The following PPP2R3B variants were observed in gnomAD, a reference collection of about 807,000 sequenced individuals.
PPP2R3B encodes protein phosphatase 2 regulatory subunit B''beta, also known as serine/threonine-protein phosphatase 2A regulatory subunit B'' subunit beta.
A neutral mutation model predicts 72.9 loss-of-function variants in PPP2R3B; 68 were observed. That is an observed-to-expected ratio of 0.93 (90% CI 0.77 to 1.14). The LOEUF is 1.14. Ranked by LOEUF, PPP2R3B falls within the 50% of genes most tolerant of loss-of-function variation. PPP2R3B has a pLI of 0.00. For missense variants in PPP2R3B, 1,018 were observed against 842.0 expected (o/e 1.21, Z -2.59); for synonymous variants, 466 against 375.8 (o/e 1.24, Z -2.78).
At chrX:365,081 C>CGG (rs2071676484) in intron 1 of PPP2R3B, among the ~76,000 whole-genome samples, 1 of 71,734 alleles carries the variant, frequency 1.4e-5, no homozygotes, top group African/African-American at 5.7e-5. Context: ...GGTGTGGTGG[C>CGG]GCATGCCTGT....
intron 7 of PPP2R3B, chrX:345,232 T>C: frequency 1.5e-6 from 1 of 657,896 alleles, no homozygotes; most frequent in East Asian, 3.0e-5. Flanking sequence ...CCCACAGCGC[T>C]GCTGGCCCTC....
chrX:358,122 G>A (rs2071471895), intron 2 of PPP2R3B, among the ~76,000 whole-genome samples: 1 of 152,236 alleles, frequency 6.6e-6, no homozygotes, highest in Non-Finnish European at 1.5e-5. Flanking sequence ...CGAAACGGCA[G>A]TGACACCCCT....
At chrX:364,765 C>T (rs1258623226) in intron 1 of PPP2R3B, among the ~76,000 whole-genome samples, 2 of 79,998 alleles carry the variant, frequency 2.5e-5, no homozygotes. Flanking sequence ...TGCCTGTACT[C>T]CCAGCTACTC....
intron 2 of PPP2R3B, among the ~76,000 whole-genome samples, chrX:359,558 G>T (rs1486786173): frequency 6.6e-6 from 1 of 152,194 alleles, no homozygotes. Context: ...CAACAAAAAT[G>T]ATTATAGAAT....
intron 1 of PPP2R3B, among the ~76,000 whole-genome samples, chrX:379,761 A>C (rs1445077167): frequency 6.6e-6 from 1 of 152,268 alleles, no homozygotes; most frequent in Non-Finnish European, 1.5e-5. Flanking sequence ...GGTATCAATT[A>C]TCCTAAATTG....
intron 1 of PPP2R3B, among the ~76,000 whole-genome samples, chrX:372,467 C>A (rs1314156714): frequency 6.6e-6 from 1 of 152,218 alleles, no homozygotes; most frequent in African/African-American, 2.4e-5. Flanking sequence ...GAGGCGCCCG[C>A]CACGCACACC....
chrX:386,523 C>G lies in PPP2R3B; in HGVS notation c.169G>C (p.Ala57Pro). The G allele has an allele frequency of 7.1e-7, 1 of 1,413,160 alleles. No homozygotes were observed. Among genetic ancestry groups the G allele is most frequent in the Middle Eastern group, 2.6e-4 (1 of 3,888 alleles). The allele number at this position is 1,413,160 out of a possible 1,614,324, so 87.5% of individuals were successfully genotyped here. A position where few individuals can be genotyped will look rare whatever the true frequency, so the allele number is the denominator to read the frequency against. ...PTPGDGEQPG[A>P]WPTAPLAAPR... Reference sequence around the variant, plus strand: ...GCGGCGAGCGGGGCTGTGGGCCAGGCCCCGGGCTGCTCCCCGTCCCCCGGG... The same window carrying G: ...GCGGCGAGCGGGGCTGTGGGCCAGGGCCCGGGCTGCTCCCCGTCCCCCGGG... The change falls in exon 1 of 13, where the codon GCC becomes CCC. Residue 57 changes from alanine (A) to proline (P), a missense_variant. Ala to Pro is a conservative substitution (Grantham distance 27). Coordinates refer to ENST00000390665, the MANE Select transcript of PPP2R3B (RefSeq NM_013239.5).
rs768116625 is a variant in PPP2R3B at position 346,659 on chromosome X, CG to C, written c.792+41del. ...GCGGCGGCCGCTGCAGAAACACCCG[CG>C]CCCCGCGCTGGAACCGACGGCCCCT... On this transcript the variant is annotated intron_variant, in intron 5 of 12. Transcript: ENST00000390665. 1.2e-4 allele frequency: 189 copies of C among 1,565,874 alleles called. 4 individuals carry two copies. In the South Asian group the frequency reaches 2.1e-3, roughly 17 times the overall value.
Position 361,563 on chromosome X carries a change from G to A in PPP2R3B, c.352C>T (p.Pro118Ser), listed in dbSNP as rs776968670. ...VVQTRKEEPL[P>S]PATSQSIPTF... ...GGAATGCTTTGGCTCGTGGCCGGGG[G>A]CAGAGGCTCTTCTTTCCGTGTCTGA... Residue 118 changes from proline to serine, a missense_variant, in exon 2 of 13, where the codon CCC (proline) becomes TCC (serine). Transcript: ENST00000390665. 5 of 1,613,990 alleles carry A rather than the reference G, an allele frequency of 3.1e-6. No individual in the cohort carries two copies. In the East Asian group the frequency reaches 6.7e-5, roughly 22 times the overall value.
chrX:374,604 G>A (rs2071949480), intron 1 of PPP2R3B, among the ~76,000 whole-genome samples: 1 of 152,174 alleles, frequency 6.6e-6, no homozygotes, highest in South Asian at 2.1e-4. Flanking sequence ...CCGGGAAGGA[G>A]ACAGGATACC....
Position 334,310 on chromosome X carries a change from G to A in PPP2R3B, c.*57C>T. On this transcript the variant is annotated 3_prime_UTR_variant, in exon 13 of 13. Transcript: ENST00000390665. ...CACAACAGTTTTTACACGAGCCGCGGTGGCCCGGTGGTGGCACGTGGGGAG... is the reference window on the plus strand; with the variant it reads ...CACAACAGTTTTTACACGAGCCGCGATGGCCCGGTGGTGGCACGTGGGGAG... The A allele has an allele frequency of 1.4e-6, 2 of 1,424,438 alleles. No individual in the cohort carries two copies. The highest frequency in any genetic ancestry group is 1.8e-6 in the Non-Finnish European group (2 of 1,092,894). The allele number at this position is 1,424,438 out of a possible 1,614,324, so 88.2% of individuals were successfully genotyped here. A position where few individuals can be genotyped will look rare whatever the true frequency, so the allele number is the denominator to read the frequency against.
chrX:340,360 C>T (rs915822912), intron 10 of PPP2R3B, among the ~76,000 whole-genome samples: 1 of 151,602 alleles, frequency 6.6e-6, no homozygotes, highest in Non-Finnish European at 1.5e-5. Context: ...GAGGTTCTTG[C>T]ACTGTGAGAC....
chrX:383,837 CAAAAAAAAAAAAAAAAA>C (rs757960788), intron 1 of PPP2R3B, among the ~76,000 whole-genome samples: 3,126 of 45,740 alleles, frequency 0.068, 181 homozygotes, highest in African/African-American at 0.2. Context: ...GACTCCGTCT[CAAAAAAAAAAAAAAAAA>C]AAAAAAAAAA....
intron 2 of PPP2R3B, among the ~76,000 whole-genome samples, chrX:354,247 TGGGGGCTCACCCAAACAC>T (rs2071397066): frequency 1.7e-5 from 1 of 60,574 alleles, no homozygotes; most frequent in African/African-American, 9.1e-5. Context: ...ACCCAAACAC[TGGGGGCTCACCCAAACAC>T]CAGGGGCTCA....
intron 2 of PPP2R3B, among the ~76,000 whole-genome samples, chrX:357,725 T>G (rs1431522358): frequency 2.6e-5 from 4 of 152,096 alleles, no homozygotes; most frequent in African/African-American, 7.2e-5. Flanking sequence ...CAACAACGTT[T>G]GAAGGAAATT....
chrX:356,214 G>GT (rs1327945678), intron 2 of PPP2R3B, among the ~76,000 whole-genome samples: 4 of 152,006 alleles, frequency 2.6e-5, no homozygotes, highest in Non-Finnish European at 4.4e-5. Flanking sequence ...AGGGTTTTTT[G>GT]TTTTTTGTTT....
intron 4 of PPP2R3B, 47 bp downstream of exon 4, chrX:347,187 G>T (rs1209187479): frequency 1.4e-6 from 2 of 1,410,796 alleles, no homozygotes; most frequent in African/African-American, 2.8e-5. Flanking sequence ...GTAGACGCGG[G>T]CCCTCCCGTG....
At chrX:383,597 G>A (rs2072171879) in intron 1 of PPP2R3B, among the ~76,000 whole-genome samples, 1 of 151,974 alleles carries the variant, frequency 6.6e-6, no homozygotes, top group Admixed American at 6.6e-5. Flanking sequence ...CAAAACTTTG[G>A]GAGGCCGAGG....
intron 2 of PPP2R3B, among the ~76,000 whole-genome samples, chrX:350,129 A>C (rs2071297768): frequency 6.6e-6 from 1 of 152,172 alleles, no homozygotes; most frequent in African/African-American, 2.4e-5. Flanking sequence ...AGTAATGAAG[A>C]CTCAGTCAGT....
Sources: allele counts gnomAD v4.1 joint callset (sites outside exome capture counted in the v4.1 genomes callset), GRCh38; gene constraint gnomAD v4.1.1; transcripts MANE v1.5; gene names NCBI Gene and HGNC (gene_info 2026-07-23, HGNC 2026-07-21).